Variants in ARB2A observed in about 807,000 individuals in gnomAD.
ARB2A encodes the protein cotranscriptional regulator ARB2A.
At chr5:93,838,373 TC>T in the ARB2A span, among the ~76,000 whole-genome samples, 14 of 152,068 alleles carry the variant, frequency 9.2e-5, no homozygotes, top group African/African-American at 3.4e-4. Context: ...TGTTTTTGTA[TC>T]AATACCATGC....
At chr5:93,705,419 C>T in the ARB2A span, among the ~76,000 whole-genome samples, 214 of 152,140 alleles carry the variant, frequency 1.4e-3, no homozygotes, top group Non-Finnish European at 1.9e-3. Context: ...CAGATTTTAA[C>T]GGAGATTTGT....
At chr5:93,847,045 G>GT in the ARB2A span, among the ~76,000 whole-genome samples, 2 of 152,162 alleles carry the variant, frequency 1.3e-5, no homozygotes, top group Non-Finnish European at 2.9e-5. Context: ...CGTAATATTT[G>GT]TAATCCTTTG....
chr5:93,760,923 CT>C, the ARB2A span, among the ~76,000 whole-genome samples: 1 of 152,162 alleles, frequency 6.6e-6, no homozygotes. Context: ...AACTAAAGAG[CT>C]TTTGTACGGC....
the ARB2A span, among the ~76,000 whole-genome samples, chr5:93,754,802 A>C: frequency 1.3e-5 from 2 of 152,132 alleles, no homozygotes; most frequent in Non-Finnish European, 2.9e-5. Flanking sequence ...TATTGCTTCC[A>C]TATTTCTATG....
At chr5:93,692,699 T>C in the ARB2A span, among the ~76,000 whole-genome samples, 1 of 152,198 alleles carries the variant, frequency 6.6e-6, no homozygotes, top group African/African-American at 2.4e-5. Context: ...TAAGCAGACC[T>C]AATAGACATC....
At chr5:93,698,911 G>C in the ARB2A span, among the ~76,000 whole-genome samples, 3 of 152,122 alleles carry the variant, frequency 2.0e-5, no homozygotes, top group Admixed American at 6.6e-5. Flanking sequence ...GGGTGCCATG[G>C]GGGCAGAGAA....
chr5:93,767,889 G>C, the ARB2A span, among the ~76,000 whole-genome samples: 1 of 150,122 alleles, frequency 6.7e-6, no homozygotes, highest in Non-Finnish European at 1.5e-5. Context: ...AGCTACTCGG[G>C]AGGCTGAGGC....
At chr5:93,791,750 A>T in the ARB2A span, among the ~76,000 whole-genome samples, 1 of 152,218 alleles carries the variant, frequency 6.6e-6, no homozygotes, top group Non-Finnish European at 1.5e-5. Flanking sequence ...TTCTTGGGTC[A>T]CATGCGTTTA....
At chr5:93,976,228 T>C in the ARB2A span, among the ~76,000 whole-genome samples, 7 of 152,250 alleles carry the variant, frequency 4.6e-5, no homozygotes, top group Middle Eastern at 6.8e-3. Context: ...TCCTTCATGA[T>C]AAAAACCCTC....
chr5:93,690,627 C>T, the ARB2A span, among the ~76,000 whole-genome samples: 6 of 152,140 alleles, frequency 3.9e-5, no homozygotes, highest in African/African-American at 1.4e-4. Context: ...GTGGGTGCAG[C>T]TTCAGCAGAA....
At chr5:93,771,147 G>A in the ARB2A span, among the ~76,000 whole-genome samples, 4 of 151,832 alleles carry the variant, frequency 2.6e-5, no homozygotes, top group Admixed American at 6.6e-5. Flanking sequence ...CAGAAATAAC[G>A]CCGCATATCT....
chr5:94,097,884 G>A, the ARB2A span, among the ~76,000 whole-genome samples: 2 of 117,692 alleles, frequency 1.7e-5, no homozygotes, highest in South Asian at 3.1e-4. Flanking sequence ...ACACACACAC[G>A]AACACAGATC....
the ARB2A span, among the ~76,000 whole-genome samples, chr5:93,914,239 G>A: frequency 4.6e-5 from 7 of 151,866 alleles, no homozygotes; most frequent in Non-Finnish European, 1.0e-4. Context: ...GGCTAATATA[G>A]AGCTATGAGT....
chr5:93,800,728 C>A, the ARB2A span, among the ~76,000 whole-genome samples: 1 of 152,018 alleles, frequency 6.6e-6, no homozygotes, highest in African/African-American at 2.4e-5. Context: ...TGGAGCAAAT[C>A]TTTATATTTT....
the ARB2A span, among the ~76,000 whole-genome samples, chr5:93,693,116 G>A: frequency 1.3e-5 from 2 of 152,182 alleles, no homozygotes; most frequent in African/African-American, 2.4e-5. Context: ...ATTTAAACTC[G>A]ACACCCTAAC....
the ARB2A span, among the ~76,000 whole-genome samples, chr5:93,833,726 C>G: frequency 6.6e-6 from 1 of 152,144 alleles, no homozygotes; most frequent in Non-Finnish European, 1.5e-5. Context: ...TTATACTAAA[C>G]AAGTAAACAA....
At chr5:94,012,030 C>T in the ARB2A span, among the ~76,000 whole-genome samples, 1 of 149,422 alleles carries the variant, frequency 6.7e-6, no homozygotes, top group Admixed American at 6.7e-5. Flanking sequence ...TGTGACATGA[C>T]AGCATAGTTA....
chr5:94,091,335 A>C, the ARB2A span, among the ~76,000 whole-genome samples: 1 of 152,222 alleles, frequency 6.6e-6, no homozygotes, highest in African/African-American at 2.4e-5. Flanking sequence ...TCACTGTTTC[A>C]AAATAATGAG....
At chr5:94,068,862 C>CAAAAAAAAAAAAAA in the ARB2A span, among the ~76,000 whole-genome samples, 3 of 62,320 alleles carry the variant, frequency 4.8e-5, no homozygotes, top group Admixed American at 1.9e-4. Flanking sequence ...ACTAAAAATA[C>CAAAAAAAAAAAAAA]AAAAAAAAAA....
Sources: allele counts gnomAD v4.1 joint callset (sites outside exome capture counted in the v4.1 genomes callset), GRCh38; gene constraint gnomAD v4.1.1; transcripts MANE v1.5; gene names NCBI Gene and HGNC (gene_info 2026-07-23, HGNC 2026-07-21).